CCDC7: variants seen among roughly 807,000 people sequenced by gnomAD.
CCDC7 encodes the protein coiled-coil domain containing 7.
In CCDC7, 183 loss-of-function variants were observed where a neutral mutation model predicts 196.9. The ratio of observed to expected loss-of-function variants is 0.93; its 90% CI spans 0.82 to 1.05. CCDC7 has a LOEUF of 1.05. Ranked by LOEUF, CCDC7 falls within the 50% of genes least tolerant of loss-of-function variation. CCDC7 has a pLI of 0.00. For synonymous variants in CCDC7, 525 were observed against 484.6 expected, an observed-to-expected ratio of 1.08 and a Z score of -1.10; for missense variants, 1,540 against 1,482.2, an observed-to-expected ratio of 1.04 and a Z score of -0.64.
chr10:32,727,134 T>G (rs890342494), intron 26 of CCDC7, among the ~76,000 whole-genome samples: 1 of 152,154 alleles, frequency 6.6e-6, no homozygotes, highest in African/African-American at 2.4e-5. Flanking sequence ...ATTAGTTTCC[T>G]GGAGATCATA....
intron 32 of CCDC7, among the ~76,000 whole-genome samples, chr10:32,828,467 G>GAAGAAGAAGAAGAAGAA (rs1555179415): frequency 2.4e-4 from 12 of 49,012 alleles, no homozygotes; most frequent in Admixed American, 9.3e-4. Context: ...AAGAAGAAGA[G>GAAGAAGAAGAAGAAGAA]GAAGAGGAAG....
chr10:32,666,856 A>G (rs966333893), intron 21 of CCDC7, among the ~76,000 whole-genome samples: 4 of 152,108 alleles, frequency 2.6e-5, no homozygotes, highest in African/African-American at 9.7e-5. Flanking sequence ...GTGTCTTTAT[A>G]GCAGCATGAT....
At chr10:32,797,615 G>A (rs1047144646) in intron 29 of CCDC7, among the ~76,000 whole-genome samples, 1 of 151,730 alleles carries the variant, frequency 6.6e-6, no homozygotes, top group African/African-American at 2.4e-5. Flanking sequence ...CACCACTAAA[G>A]AACTTATATA....
chr10:32,595,008 C>T (rs1461555319), intron 18 of CCDC7, among the ~76,000 whole-genome samples: 1 of 152,100 alleles, frequency 6.6e-6, no homozygotes, highest in African/African-American at 2.4e-5. Context: ...GTCTAAAATT[C>T]TCTTTTTTTG....
intron 33 of CCDC7, among the ~76,000 whole-genome samples, chr10:32,843,598 G>A (rs1173271152): frequency 6.6e-6 from 1 of 151,954 alleles, no homozygotes; most frequent in Non-Finnish European, 1.5e-5. Flanking sequence ...CTGTGAGGGA[G>A]GAAACATGAA....
chr10:32,506,702 A>G (rs2045210996), intron 9 of CCDC7, among the ~76,000 whole-genome samples: 1 of 151,284 alleles, frequency 6.6e-6, no homozygotes, highest in Non-Finnish European at 1.5e-5. Flanking sequence ...AAATACAAAA[A>G]TCAGTCAGTA....
chr10:32,633,071 T>C (rs955971), intron 18 of CCDC7, among the ~76,000 whole-genome samples: 17,134 of 152,190 alleles, frequency 0.11, 1,162 homozygotes, highest in South Asian at 0.27. Flanking sequence ...TGTTGTAGTA[T>C]CTATCTGTAA....
At chr10:32,467,982 C>T (rs1418157793) in intron 5 of CCDC7, among the ~76,000 whole-genome samples, 2 of 152,156 alleles carry the variant, frequency 1.3e-5, no homozygotes, top group Admixed American at 6.5e-5. Context: ...ATTTTGGTTA[C>T]TGTAGCCCTG....
rs1267772061 is a variant in CCDC7 at position 32,834,818 on chromosome 10, CTG to C, written c.3274_3275del (p.Val1092LeufsTer8). On this transcript the variant is annotated frameshift_variant, in exon 33 of 42. Coordinates refer to ENST00000639629, the Ensembl canonical transcript of CCDC7. LOFTEE classifies it high-confidence loss of function. ...AAAACCTGTTTTATTTTTATAGAGA[CTG>C]TCTTAAAACACTTGAAAGGTGTTAA... is the stretch of plus-strand genomic sequence containing the variant. 1 of 1,385,526 alleles carries C rather than the reference CTG, an allele frequency of 7.2e-7. No individual in the cohort carries two copies. Among genetic ancestry groups the C allele is most frequent in the African/African-American group, 1.4e-5 (1 of 71,492 alleles). 85.8% of individuals were successfully genotyped at this position (1,385,526 alleles called of 1,614,324 possible).
chr10:32,464,429 T>G (rs1392299848), intron 5 of CCDC7, among the ~76,000 whole-genome samples: 1 of 152,214 alleles, frequency 6.6e-6, no homozygotes, highest in Non-Finnish European at 1.5e-5. Context: ...TTGTTCTTTC[T>G]TATACATATG....
At chr10:32,639,832 T>C (rs1220287487) in intron 20 of CCDC7, among the ~76,000 whole-genome samples, 1 of 152,132 alleles carries the variant, frequency 6.6e-6, no homozygotes, top group Non-Finnish European at 1.5e-5. Flanking sequence ...GGTTTCACCA[T>C]GGTCTCGATC....
intron 28 of CCDC7, among the ~76,000 whole-genome samples, chr10:32,756,799 C>A (rs989429688): frequency 6.6e-6 from 1 of 152,188 alleles, no homozygotes; most frequent in Non-Finnish European, 1.5e-5. Context: ...TTAAAAGACA[C>A]AGACTGGCAA....
intron 23 of CCDC7, among the ~76,000 whole-genome samples, chr10:32,693,595 G>GTA (rs2077338568): frequency 6.6e-6 from 1 of 151,950 alleles, no homozygotes. Context: ...ATAGTGTGTG[G>GTA]TATACAGCAC....
intron 17 of CCDC7, 69 bp from the exon 19 acceptor site, chr10:32,584,163 A>T: frequency 1.4e-6 from 1 of 711,460 alleles, no homozygotes; most frequent in Non-Finnish European, 2.0e-6. Flanking sequence ...CAGGTAATTA[A>T]ATACCAGTCT....
intron 25 of CCDC7, among the ~76,000 whole-genome samples, chr10:32,724,749 C>A (rs909570345): frequency 4.6e-5 from 7 of 152,072 alleles, no homozygotes; most frequent in Admixed American, 3.9e-4. Context: ...CTTAGTCGAG[C>A]TCTCTACTCC....
upstream of CCDC7, among the ~76,000 whole-genome samples, chr10:32,445,516 C>G (rs76926087): frequency 0.13 from 20,338 of 152,066 alleles, 1,613 homozygotes; most frequent in African/African-American, 0.22. Flanking sequence ...TAAATTGTAT[C>G]AATTAATATT....
intron 11 of CCDC7, among the ~76,000 whole-genome samples, chr10:32,528,652 A>G (rs532282441): frequency 4.5e-4 from 66 of 146,084 alleles, no homozygotes; most frequent in East Asian, 1.8e-3. Flanking sequence ...GTGTGTGTGT[A>G]TATATATATA....
intron 8 of CCDC7, among the ~76,000 whole-genome samples, chr10:32,481,448 A>G (rs1374658184): frequency 1.3e-5 from 2 of 151,994 alleles, no homozygotes; most frequent in Non-Finnish European, 2.9e-5. Context: ...TAAGCATTTT[A>G]TGTTTTTGAT....
chr10:32,587,877 G>A (rs1232716470), intron 18 of CCDC7, among the ~76,000 whole-genome samples: 1 of 152,120 alleles, frequency 6.6e-6, no homozygotes, highest in Non-Finnish European at 1.5e-5. Flanking sequence ...ATATTGTTAT[G>A]GTTTGAATGT....
Sources: allele counts gnomAD v4.1 joint callset (sites outside exome capture counted in the v4.1 genomes callset), GRCh38; gene constraint gnomAD v4.1.1; transcripts MANE v1.5; gene names NCBI Gene and HGNC (gene_info 2026-07-23, HGNC 2026-07-21).